HSPA14: variants seen among roughly 807,000 people sequenced by gnomAD.
The protein encoded by HSPA14 is heat shock 70 kDa protein 14.
A neutral mutation model predicts 65.5 loss-of-function variants in HSPA14; 37 were observed. That is an observed-to-expected ratio of 0.56 (90% CI 0.43 to 0.74). The LOEUF (loss-of-function observed/expected upper bound fraction) is 0.74, where lower values mean the gene tolerates loss of function less well. Among genes scored for constraint, HSPA14 ranks in the 30% least tolerant of loss-of-function variants. The pLI, the probability that HSPA14 is intolerant of heterozygous loss-of-function variation, is 0.00. For synonymous variants in HSPA14, 203 were observed against 214.2 expected (o/e 0.95, Z 0.46); for missense variants, 564 against 607.6 (o/e 0.93, Z 0.75).
rs1279940684 is a variant in HSPA14 at position 14,852,482 on chromosome 10, G to C, written c.685G>C (p.Ala229Pro). ...STNTDDNIGG[A>P]HFTETLAQYL... ...AAACACTGATGATAACATCGGTGGT[G>C]CACATTTCACAGAAACCTTAGCACA... The change falls in exon 8 of 14, where the codon GCA (alanine) becomes CCA (proline). Residue 229 changes from alanine (A) to proline (P), a missense_variant. By Grantham distance (27) the Ala-to-Pro change is conservative. Transcript: ENST00000378372. 6.2e-7 allele frequency: 1 copy of C among 1,613,736 alleles called. No individual in the cohort carries two copies. The highest frequency in any genetic ancestry group is 8.5e-7 in the Non-Finnish European group (1 of 1,179,708).
rs374761621 is a variant in HSPA14 at position 14,870,617 on chromosome 10, T to C, written c.1401T>C (p.Asp467=). The change falls in exon 13 of 14, where the codon GAT becomes GAC. Residue 467 remains aspartate (D), a synonymous_variant. Transcript: ENST00000378372. ...KFAQVVLQDL[D]KKENGLRDIL... ...AACAGGTTGTACTCCAGGATTTAGA[T>C]AAAAAAGAAAATGGATTACGTGATA... The C allele has an allele frequency of 1.2e-5, 19 of 1,584,308 alleles. No homozygotes were observed. Among genetic ancestry groups the C allele is most frequent in the Middle Eastern group, 1.7e-4 (1 of 5,968 alleles).
chr10:14,847,760 T>G (rs1182092905), intron 3 of HSPA14, among the ~76,000 whole-genome samples: 1 of 152,240 alleles, frequency 6.6e-6, no homozygotes, highest in African/African-American at 2.4e-5. Flanking sequence ...AAGAAGGGTT[T>G]AATGAAAGGA....
Position 14,842,733 on chromosome 10 carries a change from A to C in HSPA14, c.221+2576A>C. 2 of 1,536,600 alleles carry C rather than the reference A, an allele frequency of 1.3e-6. No individual in the cohort carries two copies. The highest frequency in any genetic ancestry group is 1.7e-6 in the Non-Finnish European group (2 of 1,146,994). ...AAAAGGACTCAGGCAGCTGATCATCAGCCTATCTTGAAAACAGTTAAGGCA... is the reference window on the plus strand; with the variant it reads ...AAAAGGACTCAGGCAGCTGATCATCCGCCTATCTTGAAAACAGTTAAGGCA... On this transcript the variant is annotated intron_variant, in intron 3 of 13. Transcript: ENST00000378372. This position sits in a 1 kb window ranked among gnomAD's most constrained non-coding sequence, Gnocchi z 5.2.
At chr10:14,858,432 G>A (rs1258279839) in intron 10 of HSPA14, among the ~76,000 whole-genome samples, 1 of 152,232 alleles carries the variant, frequency 6.6e-6, no homozygotes, top group East Asian at 1.9e-4. Flanking sequence ...TCTTCTTAGT[G>A]TGTTGACCTT....
In HSPA14 at chr10:14,842,051, A is replaced by G; in HGVS notation, c.221+1894A>G. 1 of 984,186 alleles carries G rather than the reference A, an allele frequency of 1.0e-6. No homozygotes were observed. The highest frequency in any genetic ancestry group is 1.5e-6 in the Non-Finnish European group (1 of 655,930). The allele number at this position is 984,186 out of a possible 1,614,324, so 61.0% of individuals were successfully genotyped here. ...TTGGCCTCATGCCTGTTTATGACCT[A>G]CTCACAGGTAGCACCACTTAACTTG... On this transcript the variant is annotated intron_variant, in intron 3 of 13. Coordinates refer to ENST00000378372, the MANE Select transcript of HSPA14 (RefSeq NM_016299.4). This position sits in a 1 kb window ranked among gnomAD's most constrained non-coding sequence, Gnocchi z 5.2.
chr10:14,858,988 G>A (rs1300152863), intron 10 of HSPA14, among the ~76,000 whole-genome samples: 2 of 152,124 alleles, frequency 1.3e-5, no homozygotes, highest in African/African-American at 4.8e-5. Flanking sequence ...CTAGTATGAG[G>A]AGAGTTTGGC....
At chr10:14,846,930 A>T (rs915288353) in intron 3 of HSPA14, 1 of 985,228 alleles carries the variant, frequency 1.0e-6, no homozygotes, top group African/African-American at 1.7e-5. Context: ...ATGTATACCA[A>T]CTTCTCACCA....
intron 3 of HSPA14, among the ~76,000 whole-genome samples, chr10:14,847,255 C>T (rs1301912915): frequency 6.6e-6 from 1 of 152,130 alleles, no homozygotes; most frequent in Non-Finnish European, 1.5e-5. Context: ...ACAACCTACG[C>T]ACAACAGTAT....
At chr10:14,846,270 TTGACGGAGAGTTAGGCCTGTATTCTA>T in intron 3 of HSPA14, 1 of 985,424 alleles carries the variant, frequency 1.0e-6, no homozygotes, top group Non-Finnish European at 1.2e-6. Flanking sequence ...ACAGAAGTAC[TTGACGGAGAGTTAGGCCTGTATTCTA>T]TAAATCTATT....
At chr10:14,843,703 G>A in intron 3 of HSPA14, 1 of 1,540,448 alleles carries the variant, frequency 6.5e-7, no homozygotes, top group Non-Finnish European at 8.7e-7. Flanking sequence ...AAAGCGGGAG[G>A]AAGAAAAACT....
At chr10:14,867,616 TTC>T (rs1169568337) in intron 11 of HSPA14, 118 bp from the exon 12 acceptor site, 25 of 831,210 alleles carry the variant, frequency 3.0e-5, no homozygotes, top group Non-Finnish European at 4.6e-5. Context: ...TTCTATTTTC[TTC>T]TCTTTGCCTA....
intron 10 of HSPA14, among the ~76,000 whole-genome samples, chr10:14,865,100 T>A (rs867146746): frequency 6.6e-6 from 1 of 152,132 alleles, no homozygotes; most frequent in Non-Finnish European, 1.5e-5. Context: ...TCATGTGTCT[T>A]TTGGCTGCAT....
intron 1 of HSPA14, 150 bp downstream of exon 1, chr10:14,838,609 G>C (rs1435163375): frequency 4.2e-6 from 3 of 717,242 alleles, no homozygotes; most frequent in Non-Finnish European, 4.3e-6. Flanking sequence ...CGAAGGGCCG[G>C]GCAGGCCCGG....
At chr10:14,864,891 A>C (rs1832791728) in intron 10 of HSPA14, among the ~76,000 whole-genome samples, 1 of 152,218 alleles carries the variant, frequency 6.6e-6, no homozygotes, top group Non-Finnish European at 1.5e-5. Context: ...TCCCTGAGGA[A>C]TCGCCACACT....
intron 1 of HSPA14, 67 bp from the exon 2 acceptor site, chr10:14,839,838 C>G (rs1833948014): frequency 1.7e-6 from 2 of 1,148,108 alleles, no homozygotes; most frequent in Non-Finnish European, 2.5e-6. Context: ...CAAAGTAACA[C>G]TGGTGCACAA....
At chr10:14,854,868 G>T (rs979102790) in intron 9 of HSPA14, among the ~76,000 whole-genome samples, 2 of 152,214 alleles carry the variant, frequency 1.3e-5, no homozygotes, top group African/African-American at 4.8e-5. Context: ...TAAAAATGCA[G>T]TTCCTCAGTA....
At chr10:14,850,944 T>C in intron 6 of HSPA14, 1 of 225,338 alleles carries the variant, frequency 4.4e-6, no homozygotes, top group Middle Eastern at 1.5e-3. Flanking sequence ...AACATGGATA[T>C]TTTTGAGAGC....
Position 14,838,450 on chromosome 10 carries a change from C to T in HSPA14, c.48C>T (p.Ala16=). 2 of 1,605,292 alleles carry T rather than the reference C, an allele frequency of 1.2e-6. No homozygotes were observed. The highest frequency in any genetic ancestry group is 8.5e-7 in the Non-Finnish European group (1 of 1,177,956). Residue 16 remains alanine (A), a synonymous_variant, in exon 1 of 14, where the codon GCC becomes GCT. Coordinates refer to ENST00000378372, the MANE Select transcript of HSPA14 (RefSeq NM_016299.4). ...TGGGCTGCACCTCAGCCTGTGTGGC[C>T]GTCTATAAGGTGAGGGGCTGCGGAG... is the stretch of plus-strand genomic sequence containing the variant. ...VHLGCTSACV[A]VYKDGRAGVV...
At chr10:14,857,781 T>C (rs993264295) in intron 10 of HSPA14, among the ~76,000 whole-genome samples, 1 of 152,232 alleles carries the variant, frequency 6.6e-6, no homozygotes, top group African/African-American at 2.4e-5. Flanking sequence ...GTATGGCAAA[T>C]ATGAAATATA....
Sources: allele counts gnomAD v4.1 joint callset (sites outside exome capture counted in the v4.1 genomes callset), GRCh38; gene constraint gnomAD v4.1.1; non-coding constraint Gnocchi (gnomAD v3.1); transcripts MANE v1.5; gene names NCBI Gene and HGNC (gene_info 2026-07-23, HGNC 2026-07-21).